MAPK10: variants seen among roughly 807,000 people sequenced by gnomAD.
The protein encoded by MAPK10 is JNK3 alpha protein kinase.
MAPK10 carries 25 observed loss-of-function variants against 59.3 expected under a neutral mutation model. That is an observed-to-expected ratio of 0.42 (90% CI 0.31 to 0.59). The LOEUF (loss-of-function observed/expected upper bound fraction) is 0.59, where lower values mean the gene tolerates loss of function less well. Among genes scored for constraint, MAPK10 ranks in the 20% least tolerant of loss-of-function variants. The pLI, the probability that MAPK10 is intolerant of heterozygous loss-of-function variation, is 0.15. For missense variants in MAPK10, 351 were observed against 568.9 expected (o/e 0.62, Z 3.90); for synonymous variants, 190 against 200.5 (o/e 0.95, Z 0.44).
chr4:86,213,120 TA>T (rs1420563795), intron 2 of MAPK10, among the ~76,000 whole-genome samples: 1 of 151,974 alleles, frequency 6.6e-6, no homozygotes, highest in African/African-American at 2.4e-5. Flanking sequence ...TAAGAAGTCA[TA>T]AGGGAAAATA....
intron 3 of MAPK10, among the ~76,000 whole-genome samples, chr4:86,185,131 C>T (rs886421125): frequency 1.1e-4 from 17 of 152,174 alleles, no homozygotes; most frequent in African/African-American, 3.9e-4. Context: ...TGTGCATATT[C>T]AGCTCTTGTG....
chr4:86,134,853 C>T (rs1441828431), intron 4 of MAPK10, among the ~76,000 whole-genome samples: 3 of 152,158 alleles, frequency 2.0e-5, no homozygotes, highest in East Asian at 1.9e-4. Flanking sequence ...CGAAGCAGGG[C>T]GAGGCATTGC....
At chr4:86,140,680 T>C (rs2063448312) in intron 4 of MAPK10, among the ~76,000 whole-genome samples, 1 of 151,166 alleles carries the variant, frequency 6.6e-6, no homozygotes, top group South Asian at 2.1e-4. Flanking sequence ...ACTTAAAGTA[T>C]AATAATAAAA....
In MAPK10 at chr4:86,532,986, G is replaced by A. The variant is rs1293473876; in HGVS notation, c.-263+60924C>T. ...ACTTTGCATATTCTTCCCCTCCAAT[G>A]TGTGTTTTGTGTGTCCTGCTATTTA... is the stretch of plus-strand genomic sequence containing the variant. On this transcript the variant is annotated intron_variant, in intron 1 of 4. Coordinates refer to the MAPK10 transcript ENST00000502302. Among the ~76,000 whole-genome samples, 2 of 151,936 alleles carry A rather than the reference G, an allele frequency of 1.3e-5. 1 individual carries two copies. Among genetic ancestry groups the A allele is most frequent in the Non-Finnish European group, 2.9e-5 (2 of 68,002 alleles).
In MAPK10 at chr4:86,359,908, G is replaced by A. The variant is rs1335433451; in HGVS notation, c.-372C>T. The A allele has an allele frequency of 2.5e-5, 25 of 985,548 alleles. No individual in the cohort carries two copies. Among genetic ancestry groups the A allele is most frequent in the Non-Finnish European group, 2.9e-5 (24 of 829,920 alleles). 61.1% of individuals were successfully genotyped at this position (985,548 alleles called of 1,614,324 possible). A position where few individuals can be genotyped will look rare whatever the true frequency, so the allele number is the denominator to read the frequency against. On this transcript the variant is annotated 5_prime_UTR_variant, in exon 1 of 14. Coordinates refer to ENST00000641462, the MANE Select transcript of MAPK10 (RefSeq NM_138982.4). Reference sequence around the variant, plus strand: ...AAAAATGAAAAAAGAAAAGAAAAAGGTAAGCATATAGCAAGCACCACCCAC... The same window carrying A: ...AAAAATGAAAAAAGAAAAGAAAAAGATAAGCATATAGCAAGCACCACCCAC...
intron 1 of MAPK10, among the ~76,000 whole-genome samples, chr4:86,522,942 A>G (rs1757225002): frequency 6.6e-6 from 1 of 152,202 alleles, no homozygotes. Flanking sequence ...ACTACCACAC[A>G]CAGAATTTGT....
chr4:86,197,788 C>T (rs1021886533), intron 2 of MAPK10, among the ~76,000 whole-genome samples: 4 of 152,018 alleles, frequency 2.6e-5, no homozygotes, highest in Admixed American at 6.6e-5. Context: ...ATAAGACATT[C>T]CTGAAGAAGA....
chr4:86,144,989 C>CA (rs11447293), intron 4 of MAPK10, among the ~76,000 whole-genome samples: 27,628 of 151,072 alleles, frequency 0.18, 2,646 homozygotes, highest in African/African-American at 0.23. Context: ...ATATGTTTAC[C>CA]AAAAAAAACC....
At chr4:86,483,425 C>T (rs942806490) in intron 1 of MAPK10, among the ~76,000 whole-genome samples, 5 of 152,014 alleles carry the variant, frequency 3.3e-5, no homozygotes, top group Non-Finnish European at 4.4e-5. Context: ...TTTATAATTA[C>T]TTCTACTGAT....
chr4:86,447,281 C>T (rs555530927), intron 1 of MAPK10, among the ~76,000 whole-genome samples: 4 of 152,254 alleles, frequency 2.6e-5, no homozygotes, highest in South Asian at 2.1e-4. Context: ...TCTTCTCTCT[C>T]CTGTTGCCTT....
At chr4:86,263,338 T>C (rs1373203873) in intron 2 of MAPK10, among the ~76,000 whole-genome samples, 1 of 152,216 alleles carries the variant, frequency 6.6e-6, no homozygotes, top group Admixed American at 6.5e-5. Flanking sequence ...TTTTGCAATA[T>C]ATTTTCCTGC....
chr4:86,105,752 C>A (rs1213570142), intron 5 of MAPK10, among the ~76,000 whole-genome samples: 1 of 152,056 alleles, frequency 6.6e-6, no homozygotes, highest in Non-Finnish European at 1.5e-5. Flanking sequence ...TCCTTTCTAT[C>A]ATTTCTATAT....
chr4:86,020,047 AT>A (rs1311941162), intron 13 of MAPK10, among the ~76,000 whole-genome samples: 1 of 152,204 alleles, frequency 6.6e-6, no homozygotes, highest in East Asian at 1.9e-4. Flanking sequence ...ATTTTGCAGC[AT>A]TTCATCATCC....
At chr4:86,102,445 A>G (rs2055622888) in intron 6 of MAPK10, 7 of 160,420 alleles carry the variant, frequency 4.4e-5, no homozygotes, top group Admixed American at 4.3e-4. Context: ...TACTGGGTAG[A>G]CTTTGCACAA....
chr4:86,044,719 G>A (rs2042195505), intron 11 of MAPK10: 1 of 397,506 alleles, frequency 2.5e-6, no homozygotes, highest in Non-Finnish European at 4.4e-6. Context: ...AAGTGAGCAG[G>A]GAGAATCTCT....
In MAPK10 at chr4:86,064,404, T is replaced by G; in HGVS notation, c.986-14A>C. 1 of 1,609,626 alleles carries G rather than the reference T, an allele frequency of 6.2e-7. No homozygotes were observed. The highest frequency in any genetic ancestry group is 1.3e-5 in the African/African-American group (1 of 74,782). ...TGGCTTGGCTGGCTGAAACAATAAATGAGAAAAACAATTAGTAAGATTTTG... is the reference window on the plus strand; with the variant it reads ...TGGCTTGGCTGGCTGAAACAATAAAGGAGAAAAACAATTAGTAAGATTTTG... On this transcript the variant is annotated splice_polypyrimidine_tract_variant and intron_variant, in intron 10 of 13. Transcript: ENST00000641462.
At chr4:86,277,117 C>G (rs1368361053) in intron 2 of MAPK10, 4 of 151,900 alleles carry the variant, frequency 2.6e-5, no homozygotes, top group Non-Finnish European at 5.9e-5. Context: ...TACCAGCTCT[C>G]TAGCACCAAT....
chr4:86,153,736 G>A (rs372692907), intron 4 of MAPK10, among the ~76,000 whole-genome samples: 6 of 152,142 alleles, frequency 3.9e-5, no homozygotes, highest in African/African-American at 1.4e-4. Context: ...TGGTAAATAT[G>A]TGTGGCCTGT....
chr4:86,363,957 T>C (rs751557616), upstream of MAPK10, among the ~76,000 whole-genome samples: 12 of 152,050 alleles, frequency 7.9e-5, no homozygotes, highest in Non-Finnish European at 1.8e-4. Context: ...TAATTTTTTA[T>C]TTTTAGCAGA....
Sources: gnomAD v4.1 joint callset for allele counts (sites outside exome capture counted in the v4.1 genomes callset) on GRCh38, gnomAD v4.1.1 for gene constraint, MANE v1.5 for transcripts, NCBI Gene and HGNC (gene_info 2026-07-23, HGNC 2026-07-21) for gene names.